PPP1R14C: variants seen among roughly 807,000 people sequenced by gnomAD.
PPP1R14C encodes protein phosphatase 1 regulatory inhibitor subunit 14C.
In PPP1R14C, 16 loss-of-function variants were observed where a neutral mutation model predicts 20.4. The observed-to-expected ratio is 0.78, with a 90% CI of 0.53 to 1.19. PPP1R14C has a LOEUF of 1.19. Ranked by LOEUF, PPP1R14C falls within the 50% of genes most tolerant of loss-of-function variation. The pLI, the probability that PPP1R14C is intolerant of heterozygous loss-of-function variation, is 0.00. For synonymous variants in PPP1R14C, 91 were observed against 91.0 expected, an observed-to-expected ratio of 1.00 and a Z score of 0.00; for missense variants, 211 against 220.1, an observed-to-expected ratio of 0.96 and a Z score of 0.26.
intron 1 of PPP1R14C, among the ~76,000 whole-genome samples, chr6:150,213,531 C>G (rs548269339): frequency 1.3e-5 from 2 of 152,346 alleles, no homozygotes; most frequent in Admixed American, 1.3e-4. Context: ...TCCCCAGTGT[C>G]CCCATGTACA....
intron 1 of PPP1R14C, among the ~76,000 whole-genome samples, chr6:150,169,316 G>A (rs1457608083): frequency 6.6e-6 from 1 of 152,128 alleles, no homozygotes. Flanking sequence ...TAATTTAATG[G>A]TAACTGATTC....
chr6:150,168,874 A>G (rs1777467201), intron 1 of PPP1R14C, among the ~76,000 whole-genome samples: 1 of 152,186 alleles, frequency 6.6e-6, no homozygotes, highest in Non-Finnish European at 1.5e-5. Context: ...ACATATCGAT[A>G]GAAAATTATT....
chr6:150,213,382 A>G (rs868781733), intron 1 of PPP1R14C, among the ~76,000 whole-genome samples: 6 of 133,734 alleles, frequency 4.5e-5, no homozygotes, highest in African/African-American at 1.7e-4. Flanking sequence ...CACACACACA[A>G]GAGGTTGAGT....
intron 1 of PPP1R14C, among the ~76,000 whole-genome samples, chr6:150,163,675 T>A (rs938351100): frequency 1.3e-5 from 2 of 152,198 alleles, no homozygotes; most frequent in African/African-American, 4.8e-5. Context: ...ATGTGTGAGA[T>A]ACACCCACAT....
chr6:150,197,323 C>T (rs1777817131), intron 1 of PPP1R14C, among the ~76,000 whole-genome samples: 1 of 152,230 alleles, frequency 6.6e-6, no homozygotes, highest in Admixed American at 6.5e-5. Flanking sequence ...ACTTTCTAGC[C>T]ACTGTCGTTG....
chr6:150,159,577 A>C (rs1777342340), intron 1 of PPP1R14C, among the ~76,000 whole-genome samples: 1 of 146,838 alleles, frequency 6.8e-6, no homozygotes, highest in African/African-American at 2.5e-5. Flanking sequence ...TCCTTCCAAT[A>C]TCCACCCACC....
chr6:150,234,366 A>G lies in PPP1R14C; in HGVS notation c.424-14380A>G, dbSNP rs1248861470. ...AAAAGTTGAGCATACACATTCCACA[A>G]CTCAGCCATTGCATTACTGAATATG... On this transcript the variant is annotated intron_variant, in intron 3 of 3. Transcript: ENST00000361131. 5.3e-5 allele frequency among the ~76,000 whole-genome samples: 8 copies of G among 152,124 alleles called. No homozygotes were observed. In the East Asian group the frequency reaches 1.2e-3, roughly 22 times the overall value.
chr6:150,178,308 GA>G (rs1562262444), intron 1 of PPP1R14C, among the ~76,000 whole-genome samples: 1 of 152,224 alleles, frequency 6.6e-6, no homozygotes, highest in African/African-American at 2.4e-5. Flanking sequence ...GAGGCTGGAG[GA>G]AACCCTGAAT....
chr6:150,236,741 A>T (rs1314387938), intron 3 of PPP1R14C, among the ~76,000 whole-genome samples: 1 of 151,928 alleles, frequency 6.6e-6, no homozygotes, highest in Non-Finnish European at 1.5e-5. Context: ...AATAAATACG[A>T]TCTCCTTTGT....
intron 1 of PPP1R14C, chr6:150,195,228 G>T (rs1777788183): frequency 3.3e-6 from 3 of 915,456 alleles, no homozygotes; most frequent in Middle Eastern, 5.6e-4. Flanking sequence ...ATAACAAATT[G>T]CAGTATATGT....
At chr6:150,154,837 T>A (rs1777288953) in intron 1 of PPP1R14C, among the ~76,000 whole-genome samples, 1 of 152,224 alleles carries the variant, frequency 6.6e-6, no homozygotes, top group Admixed American at 6.5e-5. Context: ...TCCTTAACTA[T>A]TGGCTTTCAA....
At chr6:150,241,502 A>T (rs1778430388) in intron 3 of PPP1R14C, among the ~76,000 whole-genome samples, 1 of 152,198 alleles carries the variant, frequency 6.6e-6, no homozygotes, top group Admixed American at 6.5e-5. Flanking sequence ...ACAACCTGGA[A>T]CCTAGAATTG....
At chr6:150,171,574 C>T (rs527600249) in intron 1 of PPP1R14C, among the ~76,000 whole-genome samples, 1 of 152,304 alleles carries the variant, frequency 6.6e-6, no homozygotes, top group East Asian at 1.9e-4. Flanking sequence ...GATTGACGCA[C>T]ACATTTGAAA....
intron 1 of PPP1R14C, among the ~76,000 whole-genome samples, chr6:150,198,250 T>C (rs867891537): frequency 6.9e-3 from 477 of 69,126 alleles, no homozygotes; most frequent in Middle Eastern, 8.6e-3. Context: ...TGCCCCTGCC[T>C]GCCACGGTGG....
intron 1 of PPP1R14C, among the ~76,000 whole-genome samples, chr6:150,198,063 C>T (rs1232813319): frequency 6.4e-5 from 4 of 62,940 alleles, no homozygotes; most frequent in Admixed American, 2.8e-4. Flanking sequence ...CTGGCCGCCA[C>T]GGTGGAGGAG....
rs73779909 is a variant in PPP1R14C, at chr6:150,235,664, C to T, written c.424-13082C>T. 2.2e-3 allele frequency among the ~76,000 whole-genome samples: 339 copies of T among 152,274 alleles called. 4 individuals are homozygous for T. Among genetic ancestry groups the T allele is most frequent in the African/African-American group, 7.9e-3 (329 of 41,550 alleles). ...AGTGGGCAGAAAAGTCAGCATTCCACGCACTCTATTCTTCCTTTCCTCCTT... is the reference window on the plus strand; with the variant it reads ...AGTGGGCAGAAAAGTCAGCATTCCATGCACTCTATTCTTCCTTTCCTCCTT... On this transcript the variant is annotated intron_variant, in intron 3 of 3. Coordinates refer to ENST00000361131, the MANE Select transcript of PPP1R14C (RefSeq NM_030949.3).
intron 3 of PPP1R14C, among the ~76,000 whole-genome samples, chr6:150,219,397 G>A (rs1778139411): frequency 6.6e-6 from 1 of 151,978 alleles, no homozygotes; most frequent in East Asian, 1.9e-4. Context: ...TGTATTTTTA[G>A]TAGAGATGGG....
chr6:150,145,247 A>C (rs1777169009), intron 1 of PPP1R14C, among the ~76,000 whole-genome samples: 1 of 152,218 alleles, frequency 6.6e-6, no homozygotes, highest in Admixed American at 6.5e-5. Context: ...ATATATTTTA[A>C]AGGGTAAACA....
At chr6:150,235,730 C>T (rs9480005) in intron 3 of PPP1R14C, among the ~76,000 whole-genome samples, 6,055 of 152,088 alleles carry the variant, frequency 0.04, 388 homozygotes, top group African/African-American at 0.14. Context: ...TTGCCTCCTT[C>T]TTAAATTCTT....
Sources: gnomAD v4.1 joint callset for allele counts (sites outside exome capture counted in the v4.1 genomes callset) on GRCh38, gnomAD v4.1.1 for gene constraint, MANE v1.5 for transcripts, NCBI Gene and HGNC (gene_info 2026-07-23, HGNC 2026-07-21) for gene names.